The following STK17A variants were observed in gnomAD, a reference collection of about 807,000 sequenced individuals.
The protein encoded by STK17A is serine/threonine kinase 17a, also known as serine/threonine-protein kinase 17A.
Under a neutral mutation model 43.7 loss-of-function variants are expected in STK17A, and 26 were observed. That is an observed-to-expected ratio of 0.60 (90% CI 0.44 to 0.83). The LOEUF is 0.83. Ranked by LOEUF, STK17A falls within the 40% of genes least tolerant of loss-of-function variation. The pLI is 0.00. For missense variants in STK17A, 476 were observed against 511.6 expected (o/e 0.93, Z 0.67); for synonymous variants, 191 against 182.5 (o/e 1.05, Z -0.38).
chr7:43,607,506 G>A (rs1257788927), intron 2 of STK17A, among the ~76,000 whole-genome samples: 1 of 151,878 alleles, frequency 6.6e-6, no homozygotes, highest in Admixed American at 6.6e-5. Flanking sequence ...AAAATTAGCC[G>A]GGCGTGGTGG....
chr7:43,604,741 T>G (rs1458041174), intron 2 of STK17A, among the ~76,000 whole-genome samples: 1 of 152,188 alleles, frequency 6.6e-6, no homozygotes, highest in East Asian at 1.9e-4. Context: ...TTGGAAATTT[T>G]TCAGCCATGG....
rs780272343 is a variant in STK17A, at chr7:43,624,503, CAT to C, written c.921-14_921-13del. On this transcript the variant is annotated splice_polypyrimidine_tract_variant and intron_variant, in intron 6 of 6. Coordinates refer to ENST00000319357, the MANE Select transcript of STK17A (RefSeq NM_004760.3). ...GTTCTAACATGTCTTAACTGTAAAA[CAT>C]GTATCTTTACAGAGATCGAGCCACT... is the stretch of plus-strand genomic sequence containing the variant. 2.5e-6 allele frequency: 4 copies of C among 1,591,400 alleles called. No homozygotes were observed. Among genetic ancestry groups the C allele is most frequent in the Non-Finnish European group, 3.4e-6 (4 of 1,168,428 alleles).
intron 3 of STK17A, chr7:43,608,848 G>A (rs1391299155): frequency 6.8e-6 from 1 of 147,874 alleles, no homozygotes; most frequent in Non-Finnish European, 1.5e-5. Flanking sequence ...ATGTCATGAA[G>A]ACATAGATGA....
chr7:43,613,679 C>CA (rs1168939485), intron 3 of STK17A, among the ~76,000 whole-genome samples: 1 of 151,864 alleles, frequency 6.6e-6, no homozygotes, highest in Non-Finnish European at 1.5e-5. Context: ...CTCATCTCCA[C>CA]AAAAAATTAA....
intron 1 of STK17A, among the ~76,000 whole-genome samples, chr7:43,585,002 G>T (rs1377092168): frequency 1.3e-5 from 2 of 152,160 alleles, no homozygotes; most frequent in Admixed American, 1.3e-4. Context: ...TTCCAGACCA[G>T]CCTGGCCAAC....
intron 3 of STK17A, among the ~76,000 whole-genome samples, chr7:43,610,995 T>C (rs1162196109): frequency 6.6e-6 from 1 of 152,092 alleles, no homozygotes; most frequent in Non-Finnish European, 1.5e-5. Context: ...CAGGCACCTG[T>C]AATCCCAGCT....
chr7:43,608,545 C>T, intron 3 of STK17A, 145 bp downstream of exon 3: 1 of 885,484 alleles, frequency 1.1e-6, no homozygotes, highest in East Asian at 2.7e-5. Flanking sequence ...CTCCTATCCT[C>T]TAGCCAGTTA....
chr7:43,611,875 A>G (rs1261850469), intron 3 of STK17A, among the ~76,000 whole-genome samples: 1 of 152,204 alleles, frequency 6.6e-6, no homozygotes, highest in African/African-American at 2.4e-5. Flanking sequence ...ATGAGCTTTC[A>G]GCTTATGACA....
chr7:43,611,615 C>G (rs1178450391), intron 3 of STK17A, among the ~76,000 whole-genome samples: 1 of 152,096 alleles, frequency 6.6e-6, no homozygotes, highest in Non-Finnish European at 1.5e-5. Flanking sequence ...CCTTGCTTCC[C>G]TCGGGAACAT....
At chr7:43,583,496 G>A in intron 1 of STK17A, 47 bp downstream of exon 1, 1 of 1,253,546 alleles carries the variant, frequency 8.0e-7, no homozygotes, top group Non-Finnish European at 1.0e-6. Flanking sequence ...GACGCGCGGG[G>A]CGGGACGTGG....
chr7:43,624,580 A>T lies in STK17A; in HGVS notation c.983A>T (p.Glu328Val). The T allele has an allele frequency of 1.2e-6, 2 of 1,614,158 alleles. No homozygotes were observed. The highest frequency in any genetic ancestry group is 1.7e-6 in the Non-Finnish European group (2 of 1,180,008). ...HPWLTQSSIQ[E>V]PSFRMEKALE... ...TGGTTGACACAGAGCAGTATTCAAG[A>T]GCCTTCTTTCAGGATGGAAAAGGCA... The change falls in exon 7 of 7, where the codon GAG (glutamate) becomes GTG (valine). Residue 328 changes from glutamate (E) to valine (V), a missense_variant. By Grantham distance (121) the Glu-to-Val change is moderately radical. This residue lies in a region of STK17A where 110 missense variants were observed against 103.7 expected (regional missense o/e 1.06). Transcript: ENST00000319357.
intron 3 of STK17A, among the ~76,000 whole-genome samples, chr7:43,616,936 A>C (rs1025076912): frequency 3.3e-5 from 5 of 152,190 alleles, no homozygotes; most frequent in African/African-American, 9.7e-5. Context: ...TTCGTTTTTC[A>C]TATTGTAGCC....
At chr7:43,619,822 C>A in intron 4 of STK17A, 99 bp downstream of exon 4, 1 of 1,420,826 alleles carries the variant, frequency 7.0e-7, no homozygotes, top group Non-Finnish European at 9.5e-7. Context: ...CAGCTATCTA[C>A]TATGTTGAAA....
chr7:43,608,375 G>A lies in STK17A; in HGVS notation c.539G>A (p.Arg180His), dbSNP rs776064671. 54 of 1,610,028 alleles carry A rather than the reference G, an allele frequency of 3.4e-5. No homozygotes were observed. Among genetic ancestry groups the A allele is most frequent in the Middle Eastern group, 1.6e-4 (1 of 6,076 alleles). The change falls in exon 3 of 7, where the codon CGT (arginine) becomes CAT (histidine). Residue 180 changes from arginine (R) to histidine (H), a missense_variant. By Grantham distance (29) the Arg-to-His change is conservative. This residue lies in a region of STK17A where 320 missense variants were observed against 326.3 expected (regional missense o/e 0.98). Coordinates refer to ENST00000319357, the MANE Select transcript of STK17A (RefSeq NM_004760.3). Reference sequence around the variant, plus strand: ...GAAGGTGTTCACTTTTTACACACTCGTGATGTAGTTCATCTTGATTTGAAG... The same window carrying A: ...GAAGGTGTTCACTTTTTACACACTCATGATGTAGTTCATCTTGATTTGAAG... ...ILEGVHFLHT[R>H]DVVHLDLKPQ...
chr7:43,612,416 C>T (rs1011321485), intron 3 of STK17A, among the ~76,000 whole-genome samples: 1 of 152,200 alleles, frequency 6.6e-6, no homozygotes, highest in Non-Finnish European at 1.5e-5. Context: ...CCTCTGTCTT[C>T]GACAGTGTGT....
intron 1 of STK17A, among the ~76,000 whole-genome samples, chr7:43,586,773 A>C (rs565193532): frequency 2.0e-5 from 3 of 151,626 alleles, no homozygotes; most frequent in Non-Finnish European, 3.0e-5. Context: ...TAAGAAAAAA[A>C]TATTTTAAGC....
intron 2 of STK17A, among the ~76,000 whole-genome samples, chr7:43,603,139 T>C (rs1418270789): frequency 6.6e-6 from 1 of 152,222 alleles, no homozygotes; most frequent in Non-Finnish European, 1.5e-5. Flanking sequence ...CTGCTACTGT[T>C]AGATAAATAA....
At chr7:43,607,412 C>T (rs773574482) in intron 2 of STK17A, among the ~76,000 whole-genome samples, 4 of 151,344 alleles carry the variant, frequency 2.6e-5, no homozygotes, top group Non-Finnish European at 1.5e-5. Context: ...ACTTTGAGAG[C>T]CCAGGGTGGG....
chr7:43,626,473 TACA>T lies in STK17A; in HGVS notation c.*1632_*1634del. 1 of 152,230 alleles carries T rather than the reference TACA, an allele frequency of 6.6e-6. No homozygotes were observed. Among genetic ancestry groups the T allele is most frequent in the East Asian group, 1.9e-4 (1 of 5,202 alleles). 9.4% of individuals were successfully genotyped at this position (152,230 alleles called of 1,614,324 possible). ...TTTCTCACTAAATTGGCTTTATTTA[TACA>T]GTTTCCTGGAACCTAGCATTCCTAA... On this transcript the variant is annotated 3_prime_UTR_variant, in exon 7 of 7. Transcript: ENST00000319357.
Sources: allele counts gnomAD v4.1 joint callset (sites outside exome capture counted in the v4.1 genomes callset), GRCh38; gene constraint gnomAD v4.1.1; regional missense constraint gnomAD v4.1.1; transcripts MANE v1.5; gene names NCBI Gene and HGNC (gene_info 2026-07-23, HGNC 2026-07-21).